Variants in RANBP2 observed in about 807,000 individuals in gnomAD.
The protein encoded by RANBP2 is RAN binding protein 2.
RANBP2 carries 57 observed loss-of-function variants against 303.6 expected under a neutral mutation model. The ratio of observed to expected loss-of-function variants is 0.19; its 90% CI spans 0.15 to 0.23. The LOEUF (loss-of-function observed/expected upper bound fraction) is 0.23, where lower values mean the gene tolerates loss of function less well. Ranked by LOEUF, RANBP2 falls within the 10% of genes least tolerant of loss-of-function variation. The pLI, the probability that RANBP2 is intolerant of heterozygous loss-of-function variation, is 1.00. For missense variants in RANBP2, 3,138 were observed against 3,780.8 expected, an observed-to-expected ratio of 0.83 and a Z score of 4.46; for synonymous variants, 1,167 against 1,301.5, an observed-to-expected ratio of 0.90 and a Z score of 2.23.
At chr2:109,415,847 A>G in the RANBP2 span, among the ~76,000 whole-genome samples, 2 of 152,180 alleles carry the variant, frequency 1.3e-5, no homozygotes, top group Non-Finnish European at 2.9e-5. Flanking sequence ...TCATGTTGAA[A>G]TTTAATCCCC....
intron 15 of RANBP2, 28 bp from the exon 16 acceptor site, chr2:108,754,876 AG>A (rs767655792): frequency 6.2e-7 from 1 of 1,609,140 alleles, no homozygotes; most frequent in Admixed American, 1.7e-5. Context: ...TGCAAATGAA[AG>A]CCCTTAATTA....
At chr2:109,660,495 A>T in the RANBP2 span, among the ~76,000 whole-genome samples, 2 of 152,332 alleles carry the variant, frequency 1.3e-5, no homozygotes, top group Non-Finnish European at 2.9e-5. Context: ...TTTGCTCAAA[A>T]CACCAAGAAC....
At chr2:109,142,334 A>G in the RANBP2 span, among the ~76,000 whole-genome samples, 1 of 152,112 alleles carries the variant, frequency 6.6e-6, no homozygotes, top group East Asian at 1.9e-4. Context: ...ATTCCCATGC[A>G]TGTTATATTC....
the RANBP2 span, among the ~76,000 whole-genome samples, chr2:108,818,415 C>T: frequency 6.6e-6 from 1 of 152,170 alleles, no homozygotes; most frequent in Non-Finnish European, 1.5e-5. Flanking sequence ...ATTTTAACAT[C>T]TGTAAATAAA....
At chr2:109,296,153 T>A in the RANBP2 span, among the ~76,000 whole-genome samples, 1 of 152,078 alleles carries the variant, frequency 6.6e-6, no homozygotes, top group African/African-American at 2.4e-5. Context: ...ACCCCGCCCA[T>A]GTCAGCATTA....
the RANBP2 span, among the ~76,000 whole-genome samples, chr2:109,270,225 G>A: frequency 6.6e-6 from 1 of 152,194 alleles, no homozygotes; most frequent in East Asian, 1.9e-4. Context: ...GAAGATCTGG[G>A]GGGTGAGGAT....
chr2:108,820,298 C>A, the RANBP2 span, among the ~76,000 whole-genome samples: 4 of 151,896 alleles, frequency 2.6e-5, no homozygotes, highest in African/African-American at 9.7e-5. Flanking sequence ...GAGAAAAAAA[C>A]GAAGAAAAGT....
chr2:109,336,543 AG>A, the RANBP2 span, among the ~76,000 whole-genome samples: 3 of 152,230 alleles, frequency 2.0e-5, no homozygotes, highest in Non-Finnish European at 4.4e-5. Flanking sequence ...CTGCTCTTGA[AG>A]GAACCAGTTT....
chr2:108,813,070 A>C, the RANBP2 span: 8 of 586,424 alleles, frequency 1.4e-5, no homozygotes, highest in East Asian at 2.7e-4. Flanking sequence ...CAACATGGTG[A>C]AACCCCGTTT....
chr2:109,440,679 G>A, the RANBP2 span, among the ~76,000 whole-genome samples: 1 of 152,176 alleles, frequency 6.6e-6, no homozygotes, highest in Non-Finnish European at 1.5e-5. Flanking sequence ...AAAGGAGGCA[G>A]GTAACCAGGT....
the RANBP2 span, among the ~76,000 whole-genome samples, chr2:109,365,179 C>T: frequency 6.6e-6 from 1 of 152,190 alleles, no homozygotes; most frequent in Admixed American, 6.5e-5. Flanking sequence ...TCCTCTTCCC[C>T]TCCCCCTGCC....
chr2:109,519,189 G>T, the RANBP2 span, among the ~76,000 whole-genome samples: 1 of 152,066 alleles, frequency 6.6e-6, no homozygotes. Context: ...AAAGTGCTGG[G>T]ATTACAGGCT....
the RANBP2 span, among the ~76,000 whole-genome samples, chr2:109,338,444 T>A: frequency 6.6e-6 from 1 of 152,168 alleles, no homozygotes; most frequent in Non-Finnish European, 1.5e-5. Flanking sequence ...TTTTTTTTTT[T>A]TACATGCTCA....
chr2:109,037,651 A>T, the RANBP2 span, among the ~76,000 whole-genome samples: 1 of 152,220 alleles, frequency 6.6e-6, no homozygotes, highest in Non-Finnish European at 1.5e-5. Context: ...TGTCATTTCT[A>T]TATATTAACA....
At chr2:109,544,214 TAAAAC>T in the RANBP2 span, 28 of 1,609,356 alleles carry the variant, frequency 1.7e-5, no homozygotes, top group East Asian at 2.2e-5. Flanking sequence ...ATAGAAGTGA[TAAAAC>T]AAATAACAGC....
At chr2:108,822,131 A>G in the RANBP2 span, among the ~76,000 whole-genome samples, 1 of 152,132 alleles carries the variant, frequency 6.6e-6, no homozygotes, top group Non-Finnish European at 1.5e-5. Context: ...ATCCTTGTCA[A>G]TGGTCTCCAG....
the RANBP2 span, among the ~76,000 whole-genome samples, chr2:109,710,207 A>C: frequency 0.22 from 33,427 of 150,136 alleles, 3,788 homozygotes; most frequent in East Asian, 0.31. Context: ...CGCGGTGAAA[A>C]CCCATCTCTA....
In RANBP2 at chr2:108,749,084, G is replaced by C. The variant is rs1376267475; in HGVS notation, c.1228G>C (p.Asp410His). 1 of 1,611,942 alleles carries C rather than the reference G, an allele frequency of 6.2e-7. No homozygotes were observed. The highest frequency in any genetic ancestry group is 8.5e-7 in the Non-Finnish European group (1 of 1,179,844). ...TGGTAGCGATGATATTGGAAACATT[G>C]ATGTACGAGAACCAGAGCTTGAAGA... ...FLGSDDIGNI[D>H]VREPELEDLT... is the part of the protein sequence containing the mutation. Residue 410 changes from aspartate (D) to histidine (H), a missense_variant, in exon 9 of 29, where the codon GAT becomes CAT. Asp to His is a moderately conservative substitution (Grantham distance 81). Coordinates refer to ENST00000283195, the MANE Select transcript of RANBP2 (RefSeq NM_006267.5).
chr2:108,927,021 G>A, the RANBP2 span, among the ~76,000 whole-genome samples: 1 of 152,204 alleles, frequency 6.6e-6, no homozygotes, highest in Non-Finnish European at 1.5e-5. Context: ...CCCCTGAGAG[G>A]GGCTGGGATT....
Sources: allele counts gnomAD v4.1 joint callset (sites outside exome capture counted in the v4.1 genomes callset), GRCh38; gene constraint gnomAD v4.1.1; transcripts MANE v1.5; gene names NCBI Gene and HGNC (gene_info 2026-07-23, HGNC 2026-07-21).